Variants in MYT1L observed in about 807,000 individuals in gnomAD.
MYT1L encodes myelin transcription factor 1 like, also known as myelin transcription factor 1-like protein.
Under a neutral mutation model 126.7 loss-of-function variants are expected in MYT1L, and 12 were observed. The observed-to-expected ratio is 0.09, with a 90% CI of 0.06 to 0.15. MYT1L has a LOEUF of 0.15. Among genes scored for constraint, MYT1L ranks in the 10% least tolerant of loss-of-function variants. MYT1L has a pLI of 1.00. For missense variants in MYT1L, 979 were observed against 1,585.2 expected (o/e 0.62, Z 6.49); for synonymous variants, 541 against 604.2 (o/e 0.90, Z 1.53).
chr2:2,020,033 C>T (rs7605991), intron 4 of MYT1L, among the ~76,000 whole-genome samples: 2,531 of 151,916 alleles, frequency 0.017, 68 homozygotes, highest in African/African-American at 0.056. Context: ...TTTGTAGAGA[C>T]GAGGTTTCAC....
chr2:2,273,469 A>C lies in MYT1L; in HGVS notation c.-421+10935T>G, dbSNP rs76669953. On this transcript the variant is annotated intron_variant, in intron 2 of 24. Coordinates refer to ENST00000647738, the MANE Select transcript of MYT1L (RefSeq NM_001303052.2). ...AGCTTTTTAAATGTATCATGCCAGG[A>C]AGATTTAAATGTTCTACCTCCCCAG... is the stretch of plus-strand genomic sequence containing the variant. Among the ~76,000 whole-genome samples, 645 of 152,266 alleles carry C rather than the reference A, an allele frequency of 4.2e-3. 6 individuals are homozygous for C. The highest frequency in any genetic ancestry group is 0.015 in the African/African-American group (626 of 41,568).
intron 1 of MYT1L, among the ~76,000 whole-genome samples, chr2:2,316,372 A>G (rs1376225180): frequency 6.6e-6 from 1 of 152,234 alleles, no homozygotes; most frequent in Non-Finnish European, 1.5e-5. Context: ...GACCAGAAGT[A>G]GGACATGGAT....
chr2:2,057,422 C>T (rs926144332), intron 3 of MYT1L, among the ~76,000 whole-genome samples: 9 of 152,052 alleles, frequency 5.9e-5, no homozygotes, highest in African/African-American at 2.2e-4. Flanking sequence ...TGTTCAGAGC[C>T]ACGCCCATCC....
At position 1,806,027 on chromosome 2, in the gene MYT1L, G is replaced by A. The variant is rs2035648546; in HGVS notation, c.3172+3049C>T. ...TGAAGAGCATCAGGAATTGGATGCT[G>A]TGCCTCTGTCCCCTGAAGAGCCGCA... On this transcript the variant is annotated intron_variant, in intron 22 of 24. Transcript: ENST00000647738. The surrounding 1 kb of genome is among the most constrained non-coding windows in gnomAD (Gnocchi z 4.9). 7.2e-6 allele frequency among the ~76,000 whole-genome samples: 1 copy of A among 139,446 alleles called. No individual in the cohort carries two copies. Among genetic ancestry groups the A allele is most frequent in the Non-Finnish European group, 1.6e-5 (1 of 61,812 alleles). The allele number at this position is 139,446 out of a possible 152,430, so 91.5% of individuals were successfully genotyped here.
At chr2:2,118,307 A>G (rs186387610) in intron 3 of MYT1L, among the ~76,000 whole-genome samples, 4 of 152,264 alleles carry the variant, frequency 2.6e-5, no homozygotes, top group African/African-American at 9.6e-5. Context: ...TTCAAGCATA[A>G]GTTGAAGTAT....
At chr2:2,247,470 A>C (rs1252322777) in intron 2 of MYT1L, among the ~76,000 whole-genome samples, 2 of 152,202 alleles carry the variant, frequency 1.3e-5, no homozygotes, top group Non-Finnish European at 2.9e-5. Context: ...CATTGGACAG[A>C]TCTCCCAGGC....
intron 17 of MYT1L, among the ~76,000 whole-genome samples, chr2:1,886,851 T>C (rs2048241931): frequency 6.6e-6 from 1 of 152,194 alleles, no homozygotes. Context: ...GCTTAAATGC[T>C]TAAGAAGAAT....
chr2:2,050,244 T>C (rs2150076921), intron 4 of MYT1L, among the ~76,000 whole-genome samples: 1 of 152,318 alleles, frequency 6.6e-6, no homozygotes, highest in African/African-American at 2.4e-5. Flanking sequence ...CTGATGACAT[T>C]TGCTCACTGT....
intron 2 of MYT1L, among the ~76,000 whole-genome samples, chr2:2,271,017 G>A (rs951550268): frequency 6.6e-6 from 1 of 152,200 alleles, no homozygotes; most frequent in East Asian, 1.9e-4. Context: ...TCCTCCTTCC[G>A]GGGAGCATGC....
chr2:2,017,097 A>G (rs2064494669), intron 4 of MYT1L, among the ~76,000 whole-genome samples: 1 of 152,214 alleles, frequency 6.6e-6, no homozygotes, highest in Non-Finnish European at 1.5e-5. Flanking sequence ...ACACAGAGCC[A>G]TCATTACAGG....
At chr2:2,143,965 G>A (rs2084457933) in intron 3 of MYT1L, among the ~76,000 whole-genome samples, 2 of 151,804 alleles carry the variant, frequency 1.3e-5, no homozygotes, top group East Asian at 3.9e-4. Context: ...CTATTAGAGG[G>A]GGAGGGAGGG....
intron 14 of MYT1L, among the ~76,000 whole-genome samples, chr2:1,898,307 T>C (rs1328637794): frequency 6.6e-6 from 1 of 152,242 alleles, no homozygotes; most frequent in Non-Finnish European, 1.5e-5. Flanking sequence ...GGTCCTAATC[T>C]GTGGCACTGA....
At chr2:2,072,521 C>T (rs899132517) in intron 3 of MYT1L, among the ~76,000 whole-genome samples, 5 of 152,148 alleles carry the variant, frequency 3.3e-5, no homozygotes, top group African/African-American at 4.8e-5. Flanking sequence ...ATTTTGGTTG[C>T]TATAACAAAA....
intron 21 of MYT1L, chr2:1,825,177 GC>G (rs1377868187): frequency 6.6e-6 from 1 of 152,248 alleles, no homozygotes; most frequent in African/African-American, 2.4e-5. Context: ...ACACAGAGAG[GC>G]CTCAGGGCTG....
rs372083662 is a variant in MYT1L, at chr2:2,180,699, T to C, written c.-420-7711A>G. Among the ~76,000 whole-genome samples the C allele has an allele frequency of 7.8e-3, 1,189 of 151,962 alleles. 17 individuals carry two copies. The highest frequency in any genetic ancestry group is 0.026 in the African/African-American group (1,089 of 41,394). ...CTGTGTGTTTTTGTATGTACCTGTA[T>C]GTGCACCTGTATCTGTACCTGTGTG... On this transcript the variant is annotated intron_variant, in intron 2 of 24. Transcript: ENST00000647738.
chr2:2,150,448 G>A (rs767677084), intron 3 of MYT1L, among the ~76,000 whole-genome samples: 3 of 152,016 alleles, frequency 2.0e-5, no homozygotes, highest in Non-Finnish European at 4.4e-5. Context: ...TACATAACTT[G>A]AAAAAAATAA....
chr2:2,158,576 A>G (rs2087148127), intron 3 of MYT1L, among the ~76,000 whole-genome samples: 1 of 151,784 alleles, frequency 6.6e-6, no homozygotes, highest in Admixed American at 6.6e-5. Context: ...ATGGCTCTTT[A>G]TTCAGTCACA....
chr2:2,205,751 G>A (rs887748724), intron 2 of MYT1L, among the ~76,000 whole-genome samples: 1 of 152,090 alleles, frequency 6.6e-6, no homozygotes, highest in African/African-American at 2.4e-5. Context: ...CTACAGGGTT[G>A]ATATCCACCT....
At chr2:1,901,495 C>T (rs1292563715) in intron 14 of MYT1L, among the ~76,000 whole-genome samples, 1 of 152,162 alleles carries the variant, frequency 6.6e-6, no homozygotes, top group Non-Finnish European at 1.5e-5. Context: ...ACGCTACAGT[C>T]ACTCCTTTTA....
Sources: gnomAD v4.1 joint callset for allele counts (sites outside exome capture counted in the v4.1 genomes callset) on GRCh38, gnomAD v4.1.1 for gene constraint, Gnocchi (gnomAD v3.1) non-coding constraint, MANE v1.5 for transcripts, NCBI Gene and HGNC (gene_info 2026-07-23, HGNC 2026-07-21) for gene names.